The following STK32C variants were observed in gnomAD, a reference collection of about 807,000 sequenced individuals.
The protein encoded by STK32C is serine/threonine kinase 32C, also known as serine/threonine-protein kinase 32C.
STK32C carries 31 observed loss-of-function variants against 56.5 expected under a neutral mutation model. The ratio of observed to expected loss-of-function variants is 0.55; its 90% CI spans 0.41 to 0.74. STK32C has a LOEUF of 0.74. Ranked by LOEUF, STK32C falls within the 30% of genes least tolerant of loss-of-function variation. The pLI is 0.00. For missense variants in STK32C, 544 were observed against 676.9 expected (o/e 0.80, Z 2.18); for synonymous variants, 309 against 289.4 (o/e 1.07, Z -0.69).
At chr10:132,240,602 G>C (rs546034176) in intron 2 of STK32C, among the ~76,000 whole-genome samples, 1 of 152,166 alleles carries the variant, frequency 6.6e-6, no homozygotes, top group South Asian at 2.1e-4. Context: ...GCGGTTCCTC[G>C]GGGTGGGTGG....
intron 1 of STK32C, among the ~76,000 whole-genome samples, chr10:132,291,615 C>T (rs1304102242): frequency 6.6e-6 from 1 of 152,198 alleles, no homozygotes; most frequent in Non-Finnish European, 1.5e-5. Flanking sequence ...AGTTTAGAAT[C>T]ACACCAGGTA....
At position 132,245,942 on chromosome 10, in the gene STK32C, G is replaced by A. The variant is rs2063671775; in HGVS notation, c.276C>T (p.His92=). The change falls in exon 2 of 12, where the codon CAC becomes CAT. Residue 92 remains histidine (H), a synonymous_variant. Transcript: ENST00000298630. ...FDDKEDVNFD[H]FQILRAIGKG... is the part of the protein sequence containing the mutation. ...TCCCAATGGCCCGAAGGATCTGGAA[G>A]TGGTCGAAGTTCACTGCAGGATAAA... 1.2e-6 allele frequency: 2 copies of A among 1,613,520 alleles called. No homozygotes were observed. The highest frequency in any genetic ancestry group is 3.3e-5 in the Admixed American group (2 of 60,014).
chr10:132,246,433 C>G (rs1189940037), intron 1 of STK32C, among the ~76,000 whole-genome samples: 1 of 152,230 alleles, frequency 6.6e-6, no homozygotes, highest in Non-Finnish European at 1.5e-5. Context: ...GGTGTCAGCC[C>G]TGCTGGCACT....
intron 11 of STK32C, 70 bp downstream of exon 11, chr10:132,208,964 A>G: frequency 9.3e-6 from 14 of 1,505,524 alleles, no homozygotes; most frequent in Non-Finnish European, 1.3e-5. Context: ...CACGTGGCCA[A>G]GAAAACCTTA....
chr10:132,245,779 C>A, intron 2 of STK32C, 121 bp downstream of exon 2: 1 of 984,356 alleles, frequency 1.0e-6, no homozygotes, highest in Non-Finnish European at 1.5e-6. Flanking sequence ...GAGCCTCTGC[C>A]CAGGTAAGGC....
At chr10:132,210,775 T>C (rs1263672300) in intron 10 of STK32C, among the ~76,000 whole-genome samples, 2 of 152,208 alleles carry the variant, frequency 1.3e-5, no homozygotes, top group African/African-American at 4.8e-5. Flanking sequence ...TTTCTTGGGT[T>C]TGGGGAGCAG....
At chr10:132,309,164 G>A (rs1385011334), upstream of STK32C, among the ~76,000 whole-genome samples, 1 of 152,140 alleles carries the variant, frequency 6.6e-6, no homozygotes, top group Non-Finnish European at 1.5e-5. Context: ...TTCAGCCACT[G>A]TGAGCCCTGC....
rs541745568 is a variant in STK32C at position 132,212,429 on chromosome 10, A to T, written c.1252-3328T>A. 5.1e-4 allele frequency among the ~76,000 whole-genome samples: 78 copies of T among 152,320 alleles called. 2 individuals carry two copies. In the South Asian group the frequency reaches 0.015, roughly 30 times the overall value. On this transcript the variant is annotated intron_variant, in intron 10 of 11. Coordinates refer to ENST00000298630, the MANE Select transcript of STK32C (RefSeq NM_173575.4). ...GTTCATAAAAATTAACCCAAAATGA[A>T]TCACACAGCTAAACGCAAGAGCTGA...
chr10:132,213,019 C>A (rs1051730233), intron 10 of STK32C, among the ~76,000 whole-genome samples: 1 of 152,202 alleles, frequency 6.6e-6, no homozygotes, highest in African/African-American at 2.4e-5. Context: ...TCTTATGAGG[C>A]CCCCAACGTT....
At chr10:132,271,037 C>T (rs1159893880) in intron 1 of STK32C, among the ~76,000 whole-genome samples, 1 of 152,156 alleles carries the variant, frequency 6.6e-6, no homozygotes, top group East Asian at 1.9e-4. Context: ...GGTTCTGAAC[C>T]ACAGTCAGAT....
At chr10:132,219,660 A>G (rs905287078) in intron 10 of STK32C, among the ~76,000 whole-genome samples, 1 of 152,046 alleles carries the variant, frequency 6.6e-6, no homozygotes, top group African/African-American at 2.4e-5. Flanking sequence ...GCAGCTCTCC[A>G]CCAGCAATTC....
upstream of STK32C, among the ~76,000 whole-genome samples, chr10:132,310,321 G>A (rs758598676): frequency 2.0e-5 from 3 of 152,234 alleles, no homozygotes; most frequent in African/African-American, 4.8e-5. The surrounding 1 kb of genome is among the most constrained non-coding windows in gnomAD (Gnocchi z 4.6). Flanking sequence ...GGCCAGTGCA[G>A]ATCAGCCCTG....
upstream of STK32C, chr10:132,331,972 C>A (rs2066786185): frequency 2.0e-6 from 1 of 494,942 alleles, no homozygotes. Context: ...ACACCCCGCC[C>A]CCTCCCGGGC....
chr10:132,332,073 G>T (rs1006282434), upstream of STK32C: 1 of 254,910 alleles, frequency 3.9e-6, no homozygotes, highest in South Asian at 1.1e-4. Flanking sequence ...GCACACCCCC[G>T]CGCGCAGGCG....
At chr10:132,331,799 C>T (rs769064178) in exon 1 of STK32C, 2 of 1,598,982 alleles carry the variant, frequency 1.3e-6, no homozygotes, top group South Asian at 1.1e-5. Context: ...GCGGTCTCTA[C>T]TTGCCCGTCG....
exon 1 of STK32C, chr10:132,331,815 C>T (rs1235621024): frequency 1.9e-6 from 3 of 1,577,926 alleles, no homozygotes; most frequent in Non-Finnish European, 2.6e-6. Context: ...CGTCGACCAC[C>T]ACCCCTTCAA....
intron 10 of STK32C, among the ~76,000 whole-genome samples, chr10:132,217,048 C>T (rs1273205122): frequency 6.6e-6 from 1 of 152,240 alleles, no homozygotes; most frequent in Non-Finnish European, 1.5e-5. Context: ...CCATCCTCTA[C>T]ACCCCAGAAT....
rs1391436005 is a variant in STK32C at position 132,222,924 on chromosome 10, C to T, written c.1056G>A (p.Ala352=). ...SSLQDVQAAP[A]LAGVLWDHLS... Reference sequence around the variant, plus strand: ...GGTGGTCCCACAGCACGCCGGCCAGCGCCGGGGCTGCCTGCACGTCCTGGA... The same window carrying T: ...GGTGGTCCCACAGCACGCCGGCCAGTGCCGGGGCTGCCTGCACGTCCTGGA... The change falls in exon 9 of 12, where the codon GCG becomes GCA. Residue 352 remains alanine (A), a synonymous_variant. Transcript: ENST00000298630. 6 of 1,558,478 alleles carry T rather than the reference C, an allele frequency of 3.8e-6. No individual in the cohort carries two copies. Among genetic ancestry groups the T allele is most frequent in the African/African-American group, 1.4e-5 (1 of 73,440 alleles).
At chr10:132,240,705 T>C (rs1217974981) in intron 2 of STK32C, among the ~76,000 whole-genome samples, 5 of 151,514 alleles carry the variant, frequency 3.3e-5, no homozygotes, top group African/African-American at 9.7e-5. Flanking sequence ...TCTCTCTCTC[T>C]CCCTCGGACA....
Sources: gnomAD v4.1 joint callset for allele counts (sites outside exome capture counted in the v4.1 genomes callset) on GRCh38, gnomAD v4.1.1 for gene constraint, Gnocchi (gnomAD v3.1) non-coding constraint, MANE v1.5 for transcripts, NCBI Gene and HGNC (gene_info 2026-07-23, HGNC 2026-07-21) for gene names.